SSH2: variants seen among roughly 807,000 people sequenced by gnomAD.
SSH2 encodes slingshot protein phosphatase 2.
A neutral mutation model predicts 135.2 loss-of-function variants in SSH2; 37 were observed. The observed-to-expected ratio is 0.27, with a 90% CI of 0.21 to 0.36. SSH2 has a LOEUF of 0.36. Ranked by LOEUF, SSH2 falls within the 10% of genes least tolerant of loss-of-function variation. SSH2 has a pLI of 1.00. For missense variants in SSH2, 1,408 were observed against 1,765.3 expected (o/e 0.80, Z 3.63); for synonymous variants, 628 against 646.2 (o/e 0.97, Z 0.43).
Position 29,655,109 on chromosome 17 carries a change from T to C in SSH2, c.1079+452A>G, listed in dbSNP as rs532829766. On this transcript the variant is annotated intron_variant, in intron 12 of 15. Coordinates refer to ENST00000540801, the MANE Select transcript of SSH2 (RefSeq NM_001282129.2). ...ACAGGGAGAATAGCTGTTTTTCTTTTTCTTTTTTTTTTGAGATGGTGTCTC... is the reference window on the plus strand; with the variant it reads ...ACAGGGAGAATAGCTGTTTTTCTTTCTCTTTTTTTTTTGAGATGGTGTCTC... Among the ~76,000 whole-genome samples the C allele has an allele frequency of 5.9e-5, 9 of 152,282 alleles. No homozygotes were observed. The East Asian group carries it at 1.7e-3, about 29-fold the overall frequency.
At chr17:29,727,173 G>A (rs903266508) in intron 3 of SSH2, among the ~76,000 whole-genome samples, 1 of 152,086 alleles carries the variant, frequency 6.6e-6, no homozygotes, top group South Asian at 2.1e-4. Flanking sequence ...CTAGTCAAAT[G>A]AACAATAATG....
chr17:29,895,046 C>T (rs186438191), intron 1 of SSH2, among the ~76,000 whole-genome samples: 3 of 151,326 alleles, frequency 2.0e-5, no homozygotes, highest in Non-Finnish European at 4.4e-5. Flanking sequence ...ACTCTCCACT[C>T]CAACCACATA....
At chr17:29,838,222 T>G (rs2042977697) in intron 2 of SSH2, among the ~76,000 whole-genome samples, 1 of 152,226 alleles carries the variant, frequency 6.6e-6, no homozygotes, top group Non-Finnish European at 1.5e-5. Flanking sequence ...AAGGCAGCAC[T>G]GACATGCCAG....
At chr17:29,837,234 G>A (rs547186773) in intron 2 of SSH2, among the ~76,000 whole-genome samples, 2 of 151,324 alleles carry the variant, frequency 1.3e-5, no homozygotes, top group Admixed American at 6.6e-5. Context: ...TCCAGCCTAG[G>A]TGACGCAACA....
At chr17:29,643,527 G>A (rs2150986893) in intron 14 of SSH2, among the ~76,000 whole-genome samples, 1 of 151,386 alleles carries the variant, frequency 6.6e-6, no homozygotes, top group African/African-American at 2.4e-5. Flanking sequence ...TTCTGCTTTA[G>A]CCTCCTGATT....
intron 3 of SSH2, among the ~76,000 whole-genome samples, chr17:29,726,690 T>C (rs1186977556): frequency 6.6e-6 from 1 of 152,366 alleles, no homozygotes; most frequent in African/African-American, 2.4e-5. Flanking sequence ...TGTTTTGATA[T>C]GTGAAAATCC....
At chr17:29,843,302 A>C (rs532742314) in intron 2 of SSH2, among the ~76,000 whole-genome samples, 5 of 152,170 alleles carry the variant, frequency 3.3e-5, no homozygotes, top group Non-Finnish European at 5.9e-5. Context: ...TGGGAGGCTG[A>C]GGTGGGCAGA....
At chr17:29,742,446 G>A (rs1209612362) in intron 3 of SSH2, among the ~76,000 whole-genome samples, 1 of 142,774 alleles carries the variant, frequency 7.0e-6, no homozygotes, top group Non-Finnish European at 1.5e-5. Flanking sequence ...AGCCTCCTGG[G>A]TAGTTAGGAC....
chr17:29,774,703 T>A (rs971738870), intron 3 of SSH2, among the ~76,000 whole-genome samples: 3 of 152,224 alleles, frequency 2.0e-5, no homozygotes, highest in African/African-American at 4.8e-5. Flanking sequence ...GCTGCTTTTT[T>A]AAAAATGAAG....
intron 3 of SSH2, among the ~76,000 whole-genome samples, chr17:29,777,914 T>G (rs2041745038): frequency 6.6e-6 from 1 of 151,580 alleles, no homozygotes; most frequent in South Asian, 2.1e-4. Flanking sequence ...GGGAACAGTA[T>G]CCTCTCAACT....
At chr17:29,743,237 G>A (rs967826936) in intron 3 of SSH2, among the ~76,000 whole-genome samples, 1 of 152,122 alleles carries the variant, frequency 6.6e-6, no homozygotes, top group Non-Finnish European at 1.5e-5. Context: ...TTTAAGCTGA[G>A]TTCATTATCA....
intron 11 of SSH2, among the ~76,000 whole-genome samples, chr17:29,656,930 T>C (rs2036805624): frequency 6.6e-6 from 1 of 152,222 alleles, no homozygotes; most frequent in South Asian, 2.1e-4. Context: ...ATTTACTCAA[T>C]CAAGGATAAT....
intron 3 of SSH2, among the ~76,000 whole-genome samples, chr17:29,761,840 CATAT>C (rs137900182): frequency 7.2e-4 from 97 of 133,862 alleles, no homozygotes; most frequent in South Asian, 1.1e-3. Flanking sequence ...CACTCACATA[CATAT>C]GTGTGTGTGT....
intron 3 of SSH2, among the ~76,000 whole-genome samples, chr17:29,754,041 A>G (rs533941319): frequency 6.6e-5 from 10 of 152,234 alleles, no homozygotes; most frequent in Non-Finnish European, 8.8e-5. Context: ...CAAGCCATGT[A>G]GCCTTGTGCA....
intron 3 of SSH2, among the ~76,000 whole-genome samples, chr17:29,731,414 A>ATTTTTTTT (rs60274804): frequency 1.7e-5 from 2 of 115,264 alleles, no homozygotes; most frequent in African/African-American, 6.6e-5. Context: ...TAGCAGAAGT[A>ATTTTTTTT]TTTTTTATTT....
intron 12 of SSH2, among the ~76,000 whole-genome samples, chr17:29,651,304 T>C (rs1459535101): frequency 2.0e-5 from 3 of 152,246 alleles, no homozygotes; most frequent in Admixed American, 1.3e-4. Flanking sequence ...TGTTAGGCTT[T>C]GTGCAATTAC....
intron 8 of SSH2, chr17:29,675,689 T>TA (rs1459408580): frequency 6.6e-6 from 1 of 152,272 alleles, no homozygotes; most frequent in African/African-American, 2.4e-5. Context: ...TAGTCATAGC[T>TA]GCTTAGGAGG....
At position 29,629,807 on chromosome 17, in the gene SSH2, A is replaced by T. The variant is rs908610762; in HGVS notation, c.*1034T>A. 3 of 152,606 alleles carry T rather than the reference A, an allele frequency of 2.0e-5. No homozygotes were observed. Among genetic ancestry groups the T allele is most frequent in the African/African-American group, 7.2e-5 (3 of 41,458 alleles). The allele number at this position is 152,606 out of a possible 1,614,324, so 9.5% of individuals were successfully genotyped here. A position where few individuals can be genotyped will look rare whatever the true frequency, so the allele number is the denominator to read the frequency against. ...AATTCAAATATAATCTATGAAATTT[A>T]AAAAAATAGGCAGCATGGGGACAAC... On this transcript the variant is annotated 3_prime_UTR_variant, in exon 16 of 16. Transcript: ENST00000540801.
At chr17:29,682,514 A>C (rs996255118) in intron 6 of SSH2, among the ~76,000 whole-genome samples, 1 of 152,214 alleles carries the variant, frequency 6.6e-6, no homozygotes, top group Non-Finnish European at 1.5e-5. Flanking sequence ...TGCTGTATGC[A>C]GTGGCTCATG....
Sources: allele counts gnomAD v4.1 joint callset (sites outside exome capture counted in the v4.1 genomes callset), GRCh38; gene constraint gnomAD v4.1.1; transcripts MANE v1.5; gene names NCBI Gene and HGNC (gene_info 2026-07-23, HGNC 2026-07-21).